The following TAMM41 variants were observed in gnomAD, a reference collection of about 807,000 sequenced individuals.
TAMM41 encodes the protein phosphatidate cytidylyltransferase, mitochondrial.
Under a neutral mutation model 44.1 loss-of-function variants are expected in TAMM41, and 36 were observed. That is an observed-to-expected ratio of 0.82 (90% CI 0.63 to 1.08). The LOEUF (loss-of-function observed/expected upper bound fraction) is 1.08, where lower values mean the gene tolerates loss of function less well. Among genes scored for constraint, TAMM41 ranks in the 50% least tolerant of loss-of-function variants. The pLI is 0.00. For missense variants in TAMM41, 417 were observed against 404.3 expected (o/e 1.03, Z -0.27); for synonymous variants, 164 against 153.1 (o/e 1.07, Z -0.53).
chr3:11,783,279 T>G, the TAMM41 span, among the ~76,000 whole-genome samples: 3 of 152,214 alleles, frequency 2.0e-5, no homozygotes, highest in East Asian at 5.8e-4. Context: ...ACTGATGATT[T>G]TGGAGCACAG....
chr3:11,782,999 C>G, the TAMM41 span, among the ~76,000 whole-genome samples: 1 of 152,222 alleles, frequency 6.6e-6, no homozygotes, highest in Non-Finnish European at 1.5e-5. Flanking sequence ...AGTAAGGATC[C>G]ATGATTCAGC....
At chr3:11,812,952 T>C (rs1043790773) in intron 5 of TAMM41, among the ~76,000 whole-genome samples, 6 of 152,130 alleles carry the variant, frequency 3.9e-5, no homozygotes, top group African/African-American at 1.4e-4. Context: ...CAAGGCCAGA[T>C]ACAGCACTGG....
intron 7 of TAMM41, among the ~76,000 whole-genome samples, chr3:11,804,971 C>T (rs1414347500): frequency 7.5e-5 from 11 of 147,004 alleles, no homozygotes; most frequent in African/African-American, 2.7e-4. Flanking sequence ...CTCAGGACTA[C>T]GGGCGCGCAC....
intron 2 of TAMM41, 75 bp from the exon 3 acceptor site, chr3:11,839,389 A>C: frequency 1.0e-6 from 1 of 973,972 alleles, no homozygotes; most frequent in Non-Finnish European, 1.5e-6. Flanking sequence ...AAATATAAGG[A>C]AACAGATAAA....
the TAMM41 span, among the ~76,000 whole-genome samples, chr3:11,755,213 G>C: frequency 6.6e-6 from 1 of 152,066 alleles, no homozygotes; most frequent in African/African-American, 2.4e-5. Context: ...GAGGAGACTC[G>C]GCCTAACACA....
At chr3:11,829,936 A>C in intron 3 of TAMM41, 72 bp from the exon 4 acceptor site, 1 of 1,441,964 alleles carries the variant, frequency 6.9e-7, no homozygotes, top group East Asian at 2.3e-5. Context: ...TTACAAATGC[A>C]CTGGAACTAT....
At chr3:11,752,495 T>A in the TAMM41 span, among the ~76,000 whole-genome samples, 2 of 152,006 alleles carry the variant, frequency 1.3e-5, no homozygotes, top group African/African-American at 4.8e-5. Flanking sequence ...GATTGGTGCG[T>A]TTTACAATCC....
intron 7 of TAMM41, chr3:11,807,157 G>C: frequency 3.1e-6 from 4 of 1,310,578 alleles, no homozygotes; most frequent in Non-Finnish European, 3.9e-6. Context: ...ACCCCCTAGA[G>C]GGGACAGCGA....
At chr3:11,745,620 G>A in the TAMM41 span, among the ~76,000 whole-genome samples, 7 of 152,150 alleles carry the variant, frequency 4.6e-5, no homozygotes, top group Admixed American at 2.6e-4. Flanking sequence ...GAGGTACCTA[G>A]AGTAGTCAAA....
At chr3:11,722,995 C>A in the TAMM41 span, among the ~76,000 whole-genome samples, 1 of 152,022 alleles carries the variant, frequency 6.6e-6, no homozygotes, top group Non-Finnish European at 1.5e-5. Context: ...TGGTGGCTCA[C>A]ACCTGTAGTC....
At chr3:11,757,280 C>T in the TAMM41 span, among the ~76,000 whole-genome samples, 21 of 152,232 alleles carry the variant, frequency 1.4e-4, no homozygotes, top group African/African-American at 4.3e-4. Flanking sequence ...GAGAGATGTT[C>T]GCTGTTATGT....
At chr3:11,796,078 T>C (rs900060688) in intron 7 of TAMM41, among the ~76,000 whole-genome samples, 7 of 152,188 alleles carry the variant, frequency 4.6e-5, no homozygotes, top group African/African-American at 1.7e-4. Flanking sequence ...CATTTGAACA[T>C]GAGTGTATGT....
chr3:11,784,252 T>C, the TAMM41 span, among the ~76,000 whole-genome samples: 1 of 152,230 alleles, frequency 6.6e-6, no homozygotes, highest in East Asian at 1.9e-4. Flanking sequence ...TCTGGCACTT[T>C]GGGAGGCCGA....
At chr3:11,759,241 T>TCCCC in the TAMM41 span, among the ~76,000 whole-genome samples, 3 of 152,272 alleles carry the variant, frequency 2.0e-5, no homozygotes, top group Admixed American at 2.0e-4. Flanking sequence ...CACTCCGTAC[T>TCCCC]GCTCACGTGG....
chr3:11,732,173 G>A, the TAMM41 span, among the ~76,000 whole-genome samples: 1 of 151,932 alleles, frequency 6.6e-6, no homozygotes, highest in Non-Finnish European at 1.5e-5. Flanking sequence ...GGCCCATTAG[G>A]GCAATTCTTC....
intron 3 of TAMM41, among the ~76,000 whole-genome samples, chr3:11,834,129 G>A (rs1303699209): frequency 6.6e-6 from 1 of 151,984 alleles, no homozygotes; most frequent in Admixed American, 6.6e-5. Flanking sequence ...CTATAGTTCC[G>A]GCTACTCAGG....
chr3:11,819,460 A>G (rs1258562800), intron 4 of TAMM41, among the ~76,000 whole-genome samples: 1 of 152,248 alleles, frequency 6.6e-6, no homozygotes, highest in Non-Finnish European at 1.5e-5. Context: ...AGCACTACTT[A>G]TAATACTGAA....
intron 7 of TAMM41, among the ~76,000 whole-genome samples, chr3:11,793,083 A>AG (rs199971203): frequency 2.9e-4 from 38 of 132,644 alleles, no homozygotes; most frequent in African/African-American, 9.4e-4. Flanking sequence ...AAAAAAAAAA[A>AG]AGAGAGTGAA....
chr3:11,746,495 C>T, the TAMM41 span, among the ~76,000 whole-genome samples: 1 of 151,772 alleles, frequency 6.6e-6, no homozygotes, highest in South Asian at 2.1e-4. Flanking sequence ...AAGAGATAAA[C>T]AAATTGGGGA....
Sources: allele counts gnomAD v4.1 joint callset (sites outside exome capture counted in the v4.1 genomes callset), GRCh38; gene constraint gnomAD v4.1.1; transcripts MANE v1.5; gene names NCBI Gene and HGNC (gene_info 2026-07-23, HGNC 2026-07-21).